Variants in MYO5A observed in about 807,000 individuals in gnomAD.
The protein encoded by MYO5A is unconventional myosin-Va.
A neutral mutation model predicts 249.7 loss-of-function variants in MYO5A; 98 were observed. The observed-to-expected ratio is 0.39, with a 90% CI of 0.33 to 0.46. The LOEUF (loss-of-function observed/expected upper bound fraction) is 0.46, where lower values mean the gene tolerates loss of function less well. Among genes scored for constraint, MYO5A ranks in the 20% least tolerant of loss-of-function variants. The probability of loss-of-function intolerance (pLI) is 0.98; values close to 1 mark genes in which losing one functional copy is unlikely to be tolerated. For missense variants in MYO5A, 1,696 were observed against 2,308.8 expected, an observed-to-expected ratio of 0.73 and a Z score of 5.44; for synonymous variants, 778 against 810.6, an observed-to-expected ratio of 0.96 and a Z score of 0.68.
intron 37 of MYO5A, 37 bp downstream of exon 37, chr15:52,323,318 G>C (rs371582681): frequency 1.3e-6 from 2 of 1,545,634 alleles, no homozygotes; most frequent in East Asian, 4.5e-5. Flanking sequence ...GTCAGAGAAA[G>C]TATAGCATGC....
At chr15:52,331,642 G>T in intron 34 of MYO5A, 1 of 981,890 alleles carries the variant, frequency 1.0e-6, no homozygotes, top group Non-Finnish European at 1.2e-6. Flanking sequence ...TAATTTCCTG[G>T]GTTAGTTCTG....
chr15:52,404,873 C>T (rs2141214778), intron 9 of MYO5A, among the ~76,000 whole-genome samples: 1 of 152,236 alleles, frequency 6.6e-6, no homozygotes, highest in South Asian at 2.1e-4. Flanking sequence ...CATATCATGC[C>T]AAGTAAGGTG....
At chr15:52,429,279 C>T (rs1171069543) in intron 2 of MYO5A, among the ~76,000 whole-genome samples, 10 of 152,156 alleles carry the variant, frequency 6.6e-5, no homozygotes, top group Non-Finnish European at 1.0e-4. Flanking sequence ...TTAGGCCGGA[C>T]ACAGTGGCTC....
At chr15:52,381,109 A>G (rs995882749) in intron 16 of MYO5A, among the ~76,000 whole-genome samples, 1 of 152,222 alleles carries the variant, frequency 6.6e-6, no homozygotes, top group Non-Finnish European at 1.5e-5. Flanking sequence ...CCTTCGGCCA[A>G]ATGATTGCTC....
intron 1 of MYO5A, among the ~76,000 whole-genome samples, chr15:52,517,241 G>A (rs777046903): frequency 6.6e-6 from 1 of 152,200 alleles, no homozygotes; most frequent in Non-Finnish European, 1.5e-5. Context: ...TTGCTAGGGA[G>A]ACTTGAATTC....
At chr15:52,470,387 C>T (rs745436947) in intron 1 of MYO5A, among the ~76,000 whole-genome samples, 1 of 152,156 alleles carries the variant, frequency 6.6e-6, no homozygotes, top group Non-Finnish European at 1.5e-5. Flanking sequence ...CGCAGTGGCT[C>T]ACGCCTGTAA....
intron 5 of MYO5A, among the ~76,000 whole-genome samples, chr15:52,411,354 A>T (rs976700250): frequency 6.6e-6 from 1 of 152,246 alleles, no homozygotes. Flanking sequence ...GGCCATTTTC[A>T]GAACCAGAAA....
chr15:52,460,180 G>A (rs1399906903), intron 1 of MYO5A, among the ~76,000 whole-genome samples: 1 of 151,914 alleles, frequency 6.6e-6, no homozygotes, highest in African/African-American at 2.4e-5. Flanking sequence ...GCCAGGCAGA[G>A]GGGCTCCTCA....
At chr15:52,503,201 T>C (rs1595805872) in intron 1 of MYO5A, among the ~76,000 whole-genome samples, 2 of 152,168 alleles carry the variant, frequency 1.3e-5, no homozygotes, top group Non-Finnish European at 2.9e-5. Context: ...GTTTCTAGCA[T>C]AAAGAAAAAA....
chr15:52,364,491 C>T, intron 24 of MYO5A, 63 bp downstream of exon 24: 2 of 1,475,954 alleles, frequency 1.4e-6, no homozygotes, highest in Non-Finnish European at 9.3e-7. Flanking sequence ...TTCTACTATT[C>T]TATTTACTTT....
At chr15:52,436,597 T>C (rs989733513) in intron 1 of MYO5A, among the ~76,000 whole-genome samples, 2 of 152,264 alleles carry the variant, frequency 1.3e-5, no homozygotes, top group African/African-American at 4.8e-5. Flanking sequence ...TGTTATGTTC[T>C]TGTTTGTTTA....
chr15:52,376,227 T>C (rs769449779), intron 19 of MYO5A, 120 bp downstream of exon 19: 2 of 875,688 alleles, frequency 2.3e-6, no homozygotes, highest in East Asian at 2.6e-5. Context: ...GTTAATTTGT[T>C]GTCCCTTGGA....
chr15:52,384,329 C>G lies in MYO5A; in HGVS notation c.1753-7G>C, dbSNP rs1401444409. On this transcript the variant is annotated splice_polypyrimidine_tract_variant and splice_region_variant and intron_variant, in intron 14 of 41. Coordinates refer to ENST00000399233, the MANE Select transcript of MYO5A (RefSeq NM_001382347.1). ...GTTCTGGTAGCATCTTAAACTAAGT[C>G]AGAAACAATATAAAGAAATTACATT... is the stretch of plus-strand genomic sequence containing the variant. 23 of 1,613,710 alleles carry G rather than the reference C, an allele frequency of 1.4e-5. No homozygotes were observed. Among genetic ancestry groups the G allele is most frequent in the Non-Finnish European group, 1.8e-5 (21 of 1,179,776 alleles).
chr15:52,387,814 C>T lies in MYO5A; in HGVS notation c.1752+15G>A, dbSNP rs752924742. ...TGCATACATCCTGGATTAGAGTAAG[C>T]CTATCCATAGTTACCTTGCTTGATT... On this transcript the variant is annotated intron_variant, in intron 14 of 41. Coordinates refer to ENST00000399233, the MANE Select transcript of MYO5A (RefSeq NM_001382347.1). The T allele has an allele frequency of 1.2e-5, 19 of 1,551,944 alleles. No individual in the cohort carries two copies. Among genetic ancestry groups the T allele is most frequent in the African/African-American group, 5.4e-5 (4 of 73,530 alleles).
At chr15:52,468,221 G>A (rs1041502633) in intron 1 of MYO5A, among the ~76,000 whole-genome samples, 2 of 152,068 alleles carry the variant, frequency 1.3e-5, no homozygotes, top group East Asian at 1.9e-4. Context: ...AGGATCACCC[G>A]AGCTGGGAAG....
rs144738393 is a variant in MYO5A at position 52,353,080 on chromosome 15, G to A, written c.3621+525C>T. Among the ~76,000 whole-genome samples, 69 of 152,322 alleles carry A rather than the reference G, an allele frequency of 4.5e-4. 1 individual carries two copies. In the East Asian group the frequency reaches 7.1e-3, roughly 16 times the overall value. On this transcript the variant is annotated intron_variant, in intron 27 of 41. Transcript: ENST00000399233. ...CAGATTGCTGGGGCGCACCCTCAGAGATTCTGATTCAATAAGTCTAGTAGT... is the reference window on the plus strand; with the variant it reads ...CAGATTGCTGGGGCGCACCCTCAGAAATTCTGATTCAATAAGTCTAGTAGT...
At chr15:52,493,348 A>G (rs2076973282) in intron 1 of MYO5A, among the ~76,000 whole-genome samples, 1 of 152,178 alleles carries the variant, frequency 6.6e-6, no homozygotes, top group African/African-American at 2.4e-5. Context: ...AAGAATGGAG[A>G]ATGTTTCTTC....
chr15:52,497,799 G>A (rs7178882), intron 1 of MYO5A, among the ~76,000 whole-genome samples: 88,931 of 148,062 alleles, frequency 0.6, 28,217 homozygotes, highest in East Asian at 0.71. Flanking sequence ...AGAAATTGAG[G>A]GCAGAAGGAT....
chr15:52,389,347 T>C lies in MYO5A; in HGVS notation c.1559A>G (p.Asp520Gly). The C allele has an allele frequency of 6.2e-7, 1 of 1,612,506 alleles. No individual in the cohort carries two copies. The highest frequency in any genetic ancestry group is 8.5e-7 in the Non-Finnish European group (1 of 1,178,724). Reference sequence around the variant, plus strand: ...GTACAATTTTTGGGCCCAGGTGTCATCTGTGCCTTTAGGCATCTATATTCA... The same window carrying C: ...GTACAATTTTTGGGCCCAGGTGTCACCTGTGCCTTTAGGCATCTATATTCA... Reference protein sequence around the residue: ...DEECKMPKGTDDTWAQKLYNT... With the variant: ...DEECKMPKGTGDTWAQKLYNT... Residue 520 changes from aspartate (D) to glycine (G), a missense_variant, in exon 13 of 42, where the codon GAT (aspartate) becomes GGT (glycine). By Grantham distance (94) the Asp-to-Gly change is moderately conservative. This residue lies in a region of MYO5A where 277 missense variants were observed against 422.4 expected (regional missense o/e 0.66). Transcript: ENST00000399233.
Sources: allele counts gnomAD v4.1 joint callset (sites outside exome capture counted in the v4.1 genomes callset), GRCh38; gene constraint gnomAD v4.1.1; regional missense constraint gnomAD v4.1.1; transcripts MANE v1.5; gene names NCBI Gene and HGNC (gene_info 2026-07-23, HGNC 2026-07-21).